The following WWOX variants were observed in gnomAD, a reference collection of about 807,000 sequenced individuals.
WWOX encodes WW domain containing oxidoreductase, also known as WW domain-containing oxidoreductase.
A neutral mutation model predicts 46.2 loss-of-function variants in WWOX; 69 were observed. The observed-to-expected ratio is 1.49, with a 90% confidence interval of 1.23 to 1.82. The LOEUF is 1.82. WWOX is among the 40% of genes most tolerant of loss of function. WWOX has a pLI of 0.00. For synonymous variants in WWOX, 359 were observed against 202.6 expected (o/e 1.77, Z -6.56); for missense variants, 919 against 542.6 (o/e 1.69, Z -6.89).
intron 8 of WWOX, among the ~76,000 whole-genome samples, chr16:78,443,716 C>T (rs2083496893): frequency 6.6e-6 from 1 of 152,152 alleles, no homozygotes; most frequent in Non-Finnish European, 1.5e-5. Context: ...TCCCGGTTTC[C>T]TTTTCTTCTG....
At chr16:78,925,845 A>G (rs1370712476) in intron 8 of WWOX, among the ~76,000 whole-genome samples, 1 of 152,188 alleles carries the variant, frequency 6.6e-6, no homozygotes, top group Non-Finnish European at 1.5e-5. Flanking sequence ...GTTCTAGCCT[A>G]CCAGGATTTG....
At chr16:78,574,562 C>A (rs2044800908) in intron 8 of WWOX, among the ~76,000 whole-genome samples, 1 of 152,144 alleles carries the variant, frequency 6.6e-6, no homozygotes, top group Non-Finnish European at 1.5e-5. Flanking sequence ...TCAAAGACTA[C>A]TACCTGTGTT....
intron 4 of WWOX, among the ~76,000 whole-genome samples, chr16:78,143,479 T>C (rs1044641507): frequency 3.9e-5 from 6 of 152,180 alleles, no homozygotes; most frequent in Admixed American, 1.3e-4. Flanking sequence ...TCAGGTTTTA[T>C]TGGAACACGG....
At chr16:78,430,930 C>T (rs1401891266) in intron 7 of WWOX, among the ~76,000 whole-genome samples, 2 of 152,132 alleles carry the variant, frequency 1.3e-5, no homozygotes, top group Non-Finnish European at 2.9e-5. Context: ...AGGATAATTC[C>T]ATAATTTTCA....
At chr16:79,017,783 C>T (rs763283032) in intron 8 of WWOX, among the ~76,000 whole-genome samples, 5 of 151,928 alleles carry the variant, frequency 3.3e-5, no homozygotes, top group African/African-American at 4.8e-5. Flanking sequence ...AATATTTCCA[C>T]CCCCATTATT....
At chr16:78,905,671 C>T (rs1377476414) in intron 8 of WWOX, among the ~76,000 whole-genome samples, 2 of 152,184 alleles carry the variant, frequency 1.3e-5, no homozygotes, top group African/African-American at 4.8e-5. Context: ...GCATGAGCCA[C>T]CTGGCCCAGC....
intron 8 of WWOX, among the ~76,000 whole-genome samples, chr16:79,131,008 T>C (rs1470242119): frequency 6.6e-6 from 1 of 152,168 alleles, no homozygotes; most frequent in Non-Finnish European, 1.5e-5. Context: ...CATAATCCTT[T>C]TTTGGATGAA....
chr16:78,940,653 T>G (rs1330555883), intron 8 of WWOX, among the ~76,000 whole-genome samples: 5 of 147,268 alleles, frequency 3.4e-5, no homozygotes, highest in Non-Finnish European at 3.0e-5. Flanking sequence ...ACATATGTCT[T>G]TCTTTCTTTT....
chr16:78,101,386 G>T (rs71396146), intron 1 of WWOX, among the ~76,000 whole-genome samples: 1 of 118,112 alleles, frequency 8.5e-6, no homozygotes, highest in East Asian at 2.6e-4. Context: ...TCGCTCCGTC[G>T]CCCAAACTGG....
rs545474891 is a variant in WWOX at position 79,157,533 on chromosome 16, C to A, written c.1057-54075C>A. On this transcript the variant is annotated intron_variant, in intron 8 of 8. Coordinates refer to ENST00000566780, the MANE Select transcript of WWOX (RefSeq NM_016373.4). ...TCAATCACATCTCTAAGGCATTTGG[C>A]ATGTAGTGGAACCTCAGTAATCAGT... Among the ~76,000 whole-genome samples, 21 of 152,106 alleles carry A rather than the reference C, an allele frequency of 1.4e-4. No individual in the cohort carries two copies. The East Asian group carries it at 4.1e-3, about 29-fold the overall frequency.
intron 4 of WWOX, among the ~76,000 whole-genome samples, chr16:78,140,729 G>A (rs574547273): frequency 1.3e-5 from 2 of 152,150 alleles, no homozygotes; most frequent in Non-Finnish European, 2.9e-5. Flanking sequence ...AATGCCCTCA[G>A]TTTAACTCGA....
chr16:78,435,455 A>G (rs1287455731), intron 8 of WWOX, among the ~76,000 whole-genome samples: 1 of 152,212 alleles, frequency 6.6e-6, no homozygotes, highest in East Asian at 1.9e-4. Flanking sequence ...CTCTGGGAGC[A>G]GCCTTGGGTA....
At chr16:78,161,609 G>A (rs1206673589) in intron 4 of WWOX, among the ~76,000 whole-genome samples, 1 of 151,974 alleles carries the variant, frequency 6.6e-6, no homozygotes, top group East Asian at 1.9e-4. Flanking sequence ...ACCACACCTG[G>A]CTATTTCTTT....
chr16:78,555,506 G>A (rs138947246), intron 8 of WWOX, among the ~76,000 whole-genome samples: 5 of 151,522 alleles, frequency 3.3e-5, no homozygotes, highest in African/African-American at 7.3e-5. Flanking sequence ...TAGCAACATC[G>A]ATGTCTCGGG....
chr16:78,529,772 A>G (rs1481070259), intron 8 of WWOX, among the ~76,000 whole-genome samples: 1 of 152,096 alleles, frequency 6.6e-6, no homozygotes, highest in Non-Finnish European at 1.5e-5. Context: ...CAGCCCTCAG[A>G]GTGTTTTAAA....
intron 8 of WWOX, among the ~76,000 whole-genome samples, chr16:79,208,369 ATGAT>A (rs749549822): frequency 8.6e-4 from 111 of 129,140 alleles, no homozygotes; most frequent in Non-Finnish European, 1.2e-3. Flanking sequence ...CTTCTGATAA[ATGAT>A]TGATTCTCAA....
At position 78,748,552 on chromosome 16, in the gene WWOX, A is replaced by T. The variant is rs117243907; in HGVS notation, c.1056+315800A>T. On this transcript the variant is annotated intron_variant, in intron 8 of 8. Coordinates refer to ENST00000566780, the MANE Select transcript of WWOX (RefSeq NM_016373.4). ...ATCTTGGCAGCAAGCCTGCTTTACC[A>T]TTGGAGACCTCAGCTCTGATTACAA... 3.5e-4 allele frequency among the ~76,000 whole-genome samples: 54 copies of T among 152,230 alleles called. No homozygotes were observed. In the East Asian group the frequency reaches 8.1e-3, roughly 23 times the overall value.
chr16:78,722,515 A>G (rs2048717271), intron 8 of WWOX, among the ~76,000 whole-genome samples: 1 of 152,136 alleles, frequency 6.6e-6, no homozygotes, highest in Non-Finnish European at 1.5e-5. Flanking sequence ...GATTATGATC[A>G]TATTTTATTT....
chr16:78,790,861 A>G (rs984590030), intron 8 of WWOX, among the ~76,000 whole-genome samples: 1 of 151,756 alleles, frequency 6.6e-6, no homozygotes, highest in African/African-American at 2.4e-5. Flanking sequence ...TCTACAAAAA[A>G]TACAAAAATT....
Sources: gnomAD v4.1 joint callset for allele counts (sites outside exome capture counted in the v4.1 genomes callset) on GRCh38, gnomAD v4.1.1 for gene constraint, MANE v1.5 for transcripts, NCBI Gene and HGNC (gene_info 2026-07-23, HGNC 2026-07-21) for gene names.